The following AHNAK variants were observed in gnomAD, a reference collection of about 807,000 sequenced individuals.
AHNAK encodes the protein AHNAK nucleoprotein.
Under a neutral mutation model 37.8 loss-of-function variants are expected in AHNAK, and 23 were observed. The observed-to-expected ratio is 0.61, with a 90% CI of 0.44 to 0.86. AHNAK has a LOEUF of 0.86. AHNAK is among the 40% of genes least tolerant of loss of function. The pLI, the probability that AHNAK is intolerant of heterozygous loss-of-function variation, is 0.00. For synonymous variants in AHNAK, 2,481 were observed against 2,636.3 expected, an observed-to-expected ratio of 0.94 and a Z score of 1.80; for missense variants, 7,411 against 7,319.4, an observed-to-expected ratio of 1.01 and a Z score of -0.46.
chr11:62,473,167 C>T (rs1203273079), intron 5 of AHNAK, among the ~76,000 whole-genome samples: 1 of 137,806 alleles, frequency 7.3e-6, no homozygotes, highest in Non-Finnish European at 1.5e-5. Context: ...GAAGCCAAAG[C>T]GGGTGGATCA....
At chr11:62,507,690 C>A (rs941902638) in intron 4 of AHNAK, among the ~76,000 whole-genome samples, 2 of 152,026 alleles carry the variant, frequency 1.3e-5, no homozygotes, top group East Asian at 3.9e-4. Context: ...CTCAGGAAGC[C>A]GAGGCAGGAG....
Position 62,523,421 on chromosome 11 carries a change from T to A in AHNAK, c.10996A>T (p.Ile3666Phe). The A allele has an allele frequency of 1.2e-6, 2 of 1,612,760 alleles. No individual in the cohort carries two copies. Among genetic ancestry groups the A allele is most frequent in the Non-Finnish European group, 1.7e-6 (2 of 1,179,608 alleles). The stretch of plus-strand genomic sequence containing the variant: ...GGCATGGAGATCTTGGGGGCTTTGA[T>A]GTTCATCTCAGGCATCTTGAACTTG... ...GPKFKMPEMN[I>F]KAPKISMPDF... is the part of the protein sequence containing the mutation. Residue 3666 changes from isoleucine (I) to phenylalanine (F), a missense_variant, in exon 5 of 5, where the codon ATC becomes TTC. By Grantham distance (21) the Ile-to-Phe change is conservative (BLOSUM62 0). Coordinates refer to ENST00000378024, the MANE Select transcript of AHNAK (RefSeq NM_001620.3).
intron 1 of AHNAK, among the ~76,000 whole-genome samples, chr11:62,542,975 C>A (rs1191297660): frequency 6.6e-6 from 1 of 152,176 alleles, no homozygotes; most frequent in African/African-American, 2.4e-5. Flanking sequence ...GGCGTGGGGC[C>A]AGGCCGCTCC....
At chr11:62,481,186 A>C (rs980832895) in intron 5 of AHNAK, among the ~76,000 whole-genome samples, 2 of 151,220 alleles carry the variant, frequency 1.3e-5, no homozygotes, top group Non-Finnish European at 2.9e-5. Flanking sequence ...GCTCACTGCA[A>C]CCTCTGCCTC....
chr11:62,525,513 A>G lies in AHNAK; in HGVS notation c.8904T>C (p.Phe2968=). The G allele has an allele frequency of 6.2e-7, 1 of 1,613,492 alleles. No homozygotes were observed. The highest frequency in any genetic ancestry group is 8.5e-7 in the Non-Finnish European group (1 of 1,179,876). ...IKAPKIPMPD[F]DLHLKGPKVK... is the part of the protein sequence containing the mutation. ...CCTTGGGACCTTTCAGATGCAAATC[A>G]AAGTCAGGCATGGGGATCTTGGGGG... The change falls in exon 5 of 5, where the codon TTT becomes TTC. Residue 2968 remains phenylalanine (F), a synonymous_variant. Coordinates refer to ENST00000378024, the MANE Select transcript of AHNAK (RefSeq NM_001620.3).
chr11:62,529,864 A>T lies in AHNAK; in HGVS notation c.4553T>A (p.Phe1518Tyr), dbSNP rs771642801. The change falls in exon 5 of 5, where the codon TTC becomes TAC. Residue 1518 changes from phenylalanine (F) to tyrosine (Y), a missense_variant. Transcript: ENST00000378024. Reference protein sequence around the residue: ...LKMPKVKMPKFSMPGFKGEGP... With the variant: ...LKMPKVKMPKYSMPGFKGEGP... ...CTCTCCTTTAAAGCCAGGCATGCTG[A>T]ACTTGGGCATTTTTACCTTGGGCAT... is the stretch of plus-strand genomic sequence containing the variant. 1.2e-5 allele frequency: 19 copies of T among 1,613,606 alleles called. No individual in the cohort carries two copies. In the East Asian group the frequency reaches 2.9e-4, roughly 25 times the overall value.
intron 5 of AHNAK, among the ~76,000 whole-genome samples, chr11:62,487,685 A>G (rs1050310273): frequency 1.3e-5 from 2 of 152,216 alleles, no homozygotes; most frequent in Admixed American, 1.3e-4. Flanking sequence ...AAGTCCAGCA[A>G]TACTTCTCTG....
intron 5 of AHNAK, among the ~76,000 whole-genome samples, chr11:62,434,507 G>T (rs1938117134): frequency 6.6e-6 from 1 of 152,140 alleles, no homozygotes; most frequent in African/African-American, 2.4e-5. Flanking sequence ...TGAATGCGCA[G>T]GTTGTCCTCT....
rs1252064005 is a variant in AHNAK, at chr11:62,519,814, T to C, written c.14603A>G (p.Asp4868Gly). The C allele has an allele frequency of 1.2e-6, 2 of 1,614,016 alleles. No individual in the cohort carries two copies. The highest frequency in any genetic ancestry group is 1.3e-5 in the African/African-American group (1 of 74,900). The change falls in exon 5 of 5, where the codon GAT (aspartate) becomes GGT (glycine). Residue 4868 changes from aspartate to glycine, a missense_variant. By Grantham distance (94) the Asp-to-Gly change is moderately conservative (BLOSUM62 -1). Coordinates refer to ENST00000378024, the MANE Select transcript of AHNAK (RefSeq NM_001620.3). The part of the protein sequence containing the change: ...LKGPKVKGDF[D>G]VSVPKVEGTL... ...CCCTTCAACCTTAGGGACAGACACA[T>C]CAAAATCTCCTTTTACTTTGGGTCC...
At position 62,518,099 on chromosome 11, in the gene AHNAK, C is replaced by T. The variant is rs112663036; in HGVS notation, c.16318G>A (p.Val5440Met). 6.5e-3 allele frequency: 10,429 copies of T among 1,614,222 alleles called. 41 individuals are homozygous for T. The highest frequency in any genetic ancestry group is 8.0e-3 in the Non-Finnish European group (9,475 of 1,180,044). ...GAAATCCGAGGCCCTTTCAGGTTCACATCCACACCTGGCCCCTTCAGTTCG... is the reference window on the plus strand; with the variant it reads ...GAAATCCGAGGCCCTTTCAGGTTCATATCCACACCTGGCCCCTTCAGTTCG... Reference protein sequence around the residue: ...SGELKGPGVDVNLKGPRISAP... With the variant: ...SGELKGPGVDMNLKGPRISAP... The change falls in exon 5 of 5, where the codon GTG (valine) becomes ATG (methionine). Residue 5440 changes from valine (V) to methionine (M), a missense_variant. By Grantham distance (21) the Val-to-Met change is conservative. Coordinates refer to ENST00000378024, the MANE Select transcript of AHNAK (RefSeq NM_001620.3).
At chr11:62,434,232 A>C (rs1314962330) in intron 5 of AHNAK, among the ~76,000 whole-genome samples, 2 of 152,168 alleles carry the variant, frequency 1.3e-5, no homozygotes, top group Non-Finnish European at 2.9e-5. Flanking sequence ...ATAACAGAGG[A>C]AGGTAGGAAC....
chr11:62,527,206 A>T lies in AHNAK; in HGVS notation c.7211T>A (p.Val2404Glu), dbSNP rs374823519. Residue 2404 changes from valine (V) to glutamate (E), a missense_variant, in exon 5 of 5, where the codon GTG becomes GAG. Transcript: ENST00000378024. ...TTCCAATTTGGGAACATCTACATCC[A>T]CCTCTCCTTTTGCCTTGGGGCTCTT... ...HLKSPKAKGE[V>E]DVDVPKLEGD... 1.2e-6 allele frequency: 2 copies of T among 1,611,214 alleles called. No homozygotes were observed. Among genetic ancestry groups the T allele is most frequent in the Non-Finnish European group, 1.7e-6 (2 of 1,178,992 alleles).
intron 5 of AHNAK, among the ~76,000 whole-genome samples, chr11:62,446,346 A>G (rs1191423729): frequency 6.6e-6 from 1 of 152,058 alleles, no homozygotes; most frequent in Non-Finnish European, 1.5e-5. Context: ...ACTCTGCAGG[A>G]TCTGGTGGCT....
intron 4 of AHNAK, among the ~76,000 whole-genome samples, chr11:62,510,044 T>TTTTGTTTGTTTG (rs140209456): frequency 2.0e-5 from 3 of 151,400 alleles, no homozygotes; most frequent in African/African-American, 7.3e-5. Context: ...TGTATTGGAG[T>TTTTGTTTGTTTG]TTTGTTTGTT....
At chr11:62,439,690 T>G (rs1371697469) in intron 5 of AHNAK, among the ~76,000 whole-genome samples, 1 of 135,006 alleles carries the variant, frequency 7.4e-6, no homozygotes, top group African/African-American at 2.8e-5. Context: ...TTTTTTGAGA[T>G]GGAGTCTCAC....
At position 62,516,808 on chromosome 11, in the gene AHNAK, C is replaced by T; in HGVS notation, c.17609G>A (p.Ser5870Asn). ...SRLSSSSSND[S>N]GNKVGIQLPE... ...AAGCTGGATGCCAACCTTATTCCCA[C>T]TGTCATTGCTAGAAGAGGAGGACAG... Residue 5870 changes from serine (S) to asparagine (N), a missense_variant, in exon 5 of 5, where the codon AGT (serine) becomes AAT (asparagine). Coordinates refer to ENST00000378024, the MANE Select transcript of AHNAK (RefSeq NM_001620.3). 1 of 1,614,110 alleles carries T rather than the reference C, an allele frequency of 6.2e-7. No homozygotes were observed. Among genetic ancestry groups the T allele is most frequent in the African/African-American group, 1.3e-5 (1 of 75,060 alleles).
intron 5 of AHNAK, among the ~76,000 whole-genome samples, chr11:62,463,210 T>C (rs1450635722): frequency 1.3e-5 from 2 of 151,266 alleles, no homozygotes; most frequent in Non-Finnish European, 2.9e-5. Flanking sequence ...TAACAATGTA[T>C]CCATTTTAAC....
chr11:62,465,474 G>A (rs78883443), intron 5 of AHNAK, among the ~76,000 whole-genome samples: 7 of 152,080 alleles, frequency 4.6e-5, no homozygotes, highest in South Asian at 4.1e-4. Flanking sequence ...TTAGCTGGGC[G>A]TTGTGGCAGG....
chr11:62,442,076 C>G (rs1938318309), intron 5 of AHNAK, among the ~76,000 whole-genome samples: 1 of 152,158 alleles, frequency 6.6e-6, no homozygotes, highest in Non-Finnish European at 1.5e-5. Flanking sequence ...GATTTATACA[C>G]TGAGACCTTA....
Sources: allele counts gnomAD v4.1 joint callset (sites outside exome capture counted in the v4.1 genomes callset), GRCh38; gene constraint gnomAD v4.1.1; transcripts MANE v1.5; gene names NCBI Gene and HGNC (gene_info 2026-07-23, HGNC 2026-07-21).